ACTR3: variants seen among roughly 807,000 people sequenced by gnomAD.
ACTR3 encodes actin related protein 3.
Under a neutral mutation model 56.8 loss-of-function variants are expected in ACTR3, and 12 were observed. That is an observed-to-expected ratio of 0.21 (90% CI 0.14 to 0.34). The LOEUF (loss-of-function observed/expected upper bound fraction) is 0.34, where lower values mean the gene tolerates loss of function less well. Ranked by LOEUF, ACTR3 falls within the 10% of genes least tolerant of loss-of-function variation. The pLI is 1.00. For missense variants in ACTR3, 282 were observed against 512.5 expected, an observed-to-expected ratio of 0.55 and a Z score of 4.34; for synonymous variants, 162 against 167.4, an observed-to-expected ratio of 0.97 and a Z score of 0.25.
At chr2:113,893,539 G>A (rs1048812136) in intron 1 of ACTR3, among the ~76,000 whole-genome samples, 14 of 151,996 alleles carry the variant, frequency 9.2e-5, no homozygotes, top group African/African-American at 3.1e-4. Context: ...TGATCCACCC[G>A]CCTCAACCTC....
chr2:113,945,175 A>G (rs944114907), intron 8 of ACTR3, among the ~76,000 whole-genome samples: 1 of 152,268 alleles, frequency 6.6e-6, no homozygotes, highest in African/African-American at 2.4e-5. Context: ...TTGGTGGTAC[A>G]TTTTCTTTGC....
rs1680196589 is a variant in ACTR3, at chr2:113,955,665, C to T, written c.1120C>T (p.Arg374Ter). 6.2e-7 allele frequency: 1 copy of T among 1,613,410 alleles called. No homozygotes were observed. Among genetic ancestry groups the T allele is most frequent in the Non-Finnish European group, 8.5e-7 (1 of 1,179,488 alleles). The part of the protein sequence containing the change: ...DVQVITHHMQ[R>*]YAVWFGGSML... ...ACAAGTCATTACACACCACATGCAG[C>T]GATATGCAGTTTGGTTTGGAGGATC... is the stretch of plus-strand genomic sequence containing the variant. The change falls in exon 11 of 12, where the codon CGA becomes TGA. Residue 374 changes from arginine (R) to a stop codon, truncating the protein, a stop_gained. Coordinates refer to ENST00000263238, the MANE Select transcript of ACTR3 (RefSeq NM_005721.5). LOFTEE classifies it high-confidence loss of function.
chr2:113,933,697 T>TTTTTTTA (rs1679766217), intron 5 of ACTR3, among the ~76,000 whole-genome samples: 2 of 149,152 alleles, frequency 1.3e-5, no homozygotes, highest in Non-Finnish European at 1.5e-5. Flanking sequence ...TTTTTTTTTT[T>TTTTTTTA]GAGATGGAGT....
At chr2:113,897,424 A>T (rs1196468056) in intron 1 of ACTR3, among the ~76,000 whole-genome samples, 1 of 152,062 alleles carries the variant, frequency 6.6e-6, no homozygotes, top group Non-Finnish European at 1.5e-5. Flanking sequence ...GAATTTTCAA[A>T]ATTCTTTCCA....
intron 4 of ACTR3, among the ~76,000 whole-genome samples, chr2:113,928,208 C>G (rs942025707): frequency 6.6e-6 from 1 of 152,070 alleles, no homozygotes; most frequent in Non-Finnish European, 1.5e-5. Context: ...CTGTGTCTTT[C>G]GGTGATTGTG....
chr2:113,939,901 G>T, intron 6 of ACTR3, 58 bp from the exon 7 acceptor site: 1 of 1,495,146 alleles, frequency 6.7e-7, no homozygotes, highest in Non-Finnish European at 9.1e-7. Flanking sequence ...ATATTTTTGG[G>T]TTATATTAAT....
intron 3 of ACTR3, among the ~76,000 whole-genome samples, chr2:113,921,176 A>G (rs769790107): frequency 2.6e-5 from 4 of 151,728 alleles, no homozygotes; most frequent in Non-Finnish European, 5.9e-5. Flanking sequence ...CTATGGTGAG[A>G]CGGTATTTCT....
chr2:113,938,497 A>G (rs1679868156), intron 6 of ACTR3, among the ~76,000 whole-genome samples: 1 of 152,178 alleles, frequency 6.6e-6, no homozygotes, highest in Admixed American at 6.5e-5. Context: ...TTTAAATGTT[A>G]TTAAGCAGGT....
intron 10 of ACTR3, chr2:113,952,103 G>C (rs1436740087): frequency 5.5e-6 from 2 of 363,214 alleles, no homozygotes; most frequent in South Asian, 8.9e-5. Flanking sequence ...CTCTCTCATA[G>C]ATAATTAATA....
chr2:113,945,459 C>T (rs1003922548), intron 8 of ACTR3, among the ~76,000 whole-genome samples: 2 of 152,138 alleles, frequency 1.3e-5, no homozygotes, highest in Admixed American at 1.3e-4. Context: ...TTTCTAGACT[C>T]TCTTTTCTTC....
At chr2:113,919,049 T>C (rs1679458985) in intron 3 of ACTR3, among the ~76,000 whole-genome samples, 1 of 152,246 alleles carries the variant, frequency 6.6e-6, no homozygotes, top group African/African-American at 2.4e-5. Flanking sequence ...TTGGTGGTTA[T>C]AATCTATGGA....
At chr2:113,902,907 G>T (rs1216718754) in intron 1 of ACTR3, among the ~76,000 whole-genome samples, 2 of 152,138 alleles carry the variant, frequency 1.3e-5, no homozygotes, top group East Asian at 3.9e-4. Flanking sequence ...CCACAACATG[G>T]TGTTTTGATA....
chr2:113,894,816 A>G (rs780061009), intron 1 of ACTR3, among the ~76,000 whole-genome samples: 2 of 152,306 alleles, frequency 1.3e-5, no homozygotes, highest in Non-Finnish European at 2.9e-5. Flanking sequence ...GATGCCGTCT[A>G]CCTGGCAGGT....
chr2:113,954,471 T>C (rs1162114978), intron 10 of ACTR3: 1 of 152,168 alleles, frequency 6.6e-6, no homozygotes, highest in Non-Finnish European at 1.5e-5. Context: ...ATTTATTCTT[T>C]TAGTAATATC....
Position 113,913,249 on chromosome 2 carries a change from C to T in ACTR3, c.100+22C>T, listed in dbSNP as rs1227866660. 3 of 1,532,504 alleles carry T rather than the reference C, an allele frequency of 2.0e-6. No individual in the cohort carries two copies. In the African/African-American group the frequency reaches 4.2e-5, roughly 21 times the overall value. The allele number at this position is 1,532,504 out of a possible 1,614,324, so 94.9% of individuals were successfully genotyped here. ...TCCTGTAAGTATTTCTTTTAAGCCA[C>T]AAATGAGCTGATTTAAAAGATCCCC... On this transcript the variant is annotated intron_variant, in intron 2 of 11. Transcript: ENST00000263238.
chr2:113,894,240 C>T (rs1256668877), intron 1 of ACTR3, among the ~76,000 whole-genome samples: 3 of 151,928 alleles, frequency 2.0e-5, no homozygotes, highest in Non-Finnish European at 4.4e-5. Context: ...TTATAGGCGC[C>T]CACTACCACG....
chr2:113,926,673 T>C (rs890537059), intron 3 of ACTR3, among the ~76,000 whole-genome samples: 5 of 152,164 alleles, frequency 3.3e-5, no homozygotes, highest in African/African-American at 9.7e-5. Flanking sequence ...ATTAACTCAG[T>C]CCTGCTGAGA....
chr2:113,890,664 G>C, intron 1 of ACTR3: 1 of 1,195,444 alleles, frequency 8.4e-7, no homozygotes, highest in Non-Finnish European at 1.0e-6. Flanking sequence ...CCCCGGGCCC[G>C]ACCCATCCGG....
chr2:113,956,889 G>A (rs1680225295), intron 11 of ACTR3, among the ~76,000 whole-genome samples: 1 of 152,170 alleles, frequency 6.6e-6, no homozygotes, highest in Admixed American at 6.5e-5. Context: ...AACACAGCAT[G>A]GAACAGTCTA....
Sources: gnomAD v4.1 joint callset for allele counts (sites outside exome capture counted in the v4.1 genomes callset) on GRCh38, gnomAD v4.1.1 for gene constraint, MANE v1.5 for transcripts, NCBI Gene and HGNC (gene_info 2026-07-23, HGNC 2026-07-21) for gene names.